RORA: variants seen among roughly 807,000 people sequenced by gnomAD.
RORA encodes the protein nuclear receptor ROR-alpha.
RORA carries 7 observed loss-of-function variants against 69.5 expected under a neutral mutation model. That is an observed-to-expected ratio of 0.10 (90% confidence interval 0.06 to 0.19). The LOEUF is 0.19. RORA is among the 10% of genes least tolerant of loss of function. The pLI is 1.00. For missense variants in RORA, 457 were observed against 663.0 expected, an observed-to-expected ratio of 0.69 and a Z score of 3.41; for synonymous variants, 261 against 240.8, an observed-to-expected ratio of 1.08 and a Z score of -0.78.
Position 60,494,821 on chromosome 15 carries a change from G to A in RORA, c.*2634C>T, listed in dbSNP as rs1171651035. On this transcript the variant is annotated 3_prime_UTR_variant, in exon 11 of 11. Coordinates refer to ENST00000335670, the MANE Select transcript of RORA (RefSeq NM_134261.3). The stretch of plus-strand genomic sequence containing the variant: ...GTCACCATGGCATGACTATTACTGT[G>A]GTTAGAGCATGATTGTTTGTAGGTA... The A allele has an allele frequency of 6.6e-6, 1 of 152,200 alleles. No homozygotes were observed. Among genetic ancestry groups the A allele is most frequent in the Non-Finnish European group, 1.5e-5 (1 of 68,034 alleles). The allele number at this position is 152,200 out of a possible 1,614,324, so 9.4% of individuals were successfully genotyped here. A position where few individuals can be genotyped will look rare whatever the true frequency, so the allele number is the denominator to read the frequency against.
intron 2 of RORA, among the ~76,000 whole-genome samples, chr15:60,627,974 T>G (rs1443505223): frequency 6.6e-6 from 1 of 152,230 alleles, no homozygotes; most frequent in Admixed American, 6.5e-5. Flanking sequence ...TATTTATTTT[T>G]TAATTTAAAT....
At chr15:60,987,239 C>T (rs900278425) in intron 1 of RORA, among the ~76,000 whole-genome samples, 16 of 152,186 alleles carry the variant, frequency 1.1e-4, no homozygotes, top group African/African-American at 3.4e-4. Flanking sequence ...TTGTTGGGCA[C>T]GTCATTCTCA....
intron 1 of RORA, among the ~76,000 whole-genome samples, chr15:61,005,892 C>T (rs1295167335): frequency 1.3e-5 from 2 of 152,076 alleles, no homozygotes; most frequent in African/African-American, 4.8e-5. Flanking sequence ...TACAGATACT[C>T]TGAAATGTTC....
chr15:60,941,754 A>G (rs1288137499), intron 1 of RORA, among the ~76,000 whole-genome samples: 1 of 152,200 alleles, frequency 6.6e-6, no homozygotes, highest in African/African-American at 2.4e-5. Flanking sequence ...AGCATTAGCA[A>G]CCCAAGACCT....
chr15:60,712,188 G>T (rs1185200703), intron 1 of RORA, among the ~76,000 whole-genome samples: 1 of 152,100 alleles, frequency 6.6e-6, no homozygotes, highest in Non-Finnish European at 1.5e-5. Flanking sequence ...TTATTCCAGA[G>T]GTGGTATACC....
At chr15:60,630,889 T>TTTTTTTTC (rs1491436991) in intron 2 of RORA, among the ~76,000 whole-genome samples, 2 of 36,700 alleles carry the variant, frequency 5.4e-5, no homozygotes, top group Non-Finnish European at 9.7e-5. Context: ...TGAGACTTTC[T>TTTTTTTTC]TTTTTTTTTT....
At chr15:60,505,473 C>G (rs201202234) in intron 6 of RORA, 35 bp downstream of exon 6, 12 of 1,610,876 alleles carry the variant, frequency 7.4e-6, no homozygotes, top group Non-Finnish European at 1.0e-5. Context: ...CCAATATTGC[C>G]TCAATCCTAG....
intron 1 of RORA, among the ~76,000 whole-genome samples, chr15:60,869,989 GC>G (rs1001762619): frequency 6.6e-6 from 1 of 152,180 alleles, no homozygotes; most frequent in African/African-American, 2.4e-5. Flanking sequence ...TTGGTTGCCT[GC>G]TTATCTTTTC....
intron 1 of RORA, among the ~76,000 whole-genome samples, chr15:61,059,958 AGAAGAG>A (rs1368081138): frequency 0.01 from 1,246 of 119,646 alleles, 27 homozygotes; most frequent in South Asian, 0.024. Flanking sequence ...AAGAAGAAGA[AGAAGAG>A]GAAGAGGAAG....
chr15:61,008,201 CTCTGTGTGTGTGTGTGTGTG>C (rs1270766179), intron 1 of RORA, among the ~76,000 whole-genome samples: 2 of 106,594 alleles, frequency 1.9e-5, no homozygotes, highest in Non-Finnish European at 4.3e-5. Flanking sequence ...TTCTCTCTCT[CTCTGTGTGTGTGTGTGTGTG>C]TGTGTGTGTG....
chr15:60,547,929 C>T (rs2067123940), intron 2 of RORA: 1 of 152,150 alleles, frequency 6.6e-6, no homozygotes, highest in Non-Finnish European at 1.5e-5. Context: ...ATAAAATCAG[C>T]TTCATTACCT....
chr15:60,994,929 T>G (rs1894487310), intron 1 of RORA, among the ~76,000 whole-genome samples: 1 of 151,966 alleles, frequency 6.6e-6, no homozygotes, highest in Non-Finnish European at 1.5e-5. Flanking sequence ...GGCCAGAAAC[T>G]TTAAAAGGGA....
At chr15:60,929,578 C>T (rs1892316065) in intron 1 of RORA, among the ~76,000 whole-genome samples, 1 of 152,198 alleles carries the variant, frequency 6.6e-6, no homozygotes, top group African/African-American at 2.4e-5. Context: ...TACTGAGATG[C>T]GCACTTAGCT....
intron 1 of RORA, among the ~76,000 whole-genome samples, chr15:60,877,418 T>G (rs1025159602): frequency 2.1e-4 from 32 of 152,132 alleles, no homozygotes; most frequent in Admixed American, 2.1e-3. Flanking sequence ...TGAATGAGTG[T>G]TCTTATGACT....
chr15:60,670,224 T>C (rs2070445089), intron 2 of RORA, among the ~76,000 whole-genome samples: 1 of 150,648 alleles, frequency 6.6e-6, no homozygotes, highest in Non-Finnish European at 1.5e-5. Context: ...CTTTTTTTTT[T>C]TTTGAGATGG....
rs2066530323 is a variant in RORA, at chr15:60,531,692, A to G, written c.282+74T>C. 1.3e-6 allele frequency: 1 copy of G among 774,150 alleles called. No individual in the cohort carries two copies. Among genetic ancestry groups the G allele is most frequent in the South Asian group, 1.8e-5 (1 of 55,938 alleles). The allele number at this position is 774,150 out of a possible 1,614,324, so 48.0% of individuals were successfully genotyped here. The stretch of plus-strand genomic sequence containing the variant: ...CTAAGGAGTTGAATTTTAAGACATA[A>G]GTGGAGACATACAAATCACAAAGAT... On this transcript the variant is annotated intron_variant, in intron 3 of 10. Coordinates refer to ENST00000335670, the MANE Select transcript of RORA (RefSeq NM_134261.3). The surrounding 1 kb of genome is among the most constrained non-coding windows in gnomAD (Gnocchi z 4.8).
chr15:60,916,320 G>C (rs115312550), intron 1 of RORA, among the ~76,000 whole-genome samples: 19 of 152,316 alleles, frequency 1.2e-4, no homozygotes, highest in African/African-American at 4.3e-4. Flanking sequence ...ACTTCACTGA[G>C]ATTCACAATG....
chr15:60,904,407 T>C (rs1012947211), intron 1 of RORA, among the ~76,000 whole-genome samples: 1 of 152,138 alleles, frequency 6.6e-6, no homozygotes, highest in Non-Finnish European at 1.5e-5. Context: ...TAGACAAGTA[T>C]GATGGCTTGA....
intron 1 of RORA, among the ~76,000 whole-genome samples, chr15:60,942,096 AT>A (rs112667898): frequency 0.012 from 1,807 of 150,984 alleles, 34 homozygotes; most frequent in African/African-American, 0.041. Context: ...AAAACATGGA[AT>A]TTTTTTTTTC....
Sources: allele counts gnomAD v4.1 joint callset (sites outside exome capture counted in the v4.1 genomes callset), GRCh38; gene constraint gnomAD v4.1.1; non-coding constraint Gnocchi (gnomAD v3.1); transcripts MANE v1.5; gene names NCBI Gene and HGNC (gene_info 2026-07-23, HGNC 2026-07-21).